Variants in MAML2 observed in about 807,000 individuals in gnomAD.
MAML2 encodes the protein mastermind-like protein 2.
Under a neutral mutation model 96.1 loss-of-function variants are expected in MAML2, and 22 were observed. The observed-to-expected ratio is 0.23, with a 90% CI of 0.16 to 0.33. The LOEUF is 0.33. Ranked by LOEUF, MAML2 falls within the 10% of genes least tolerant of loss-of-function variation. The pLI is 1.00. For missense variants in MAML2, 1,367 were observed against 1,392.4 expected (o/e 0.98, Z 0.29); for synonymous variants, 561 against 521.3 (o/e 1.08, Z -1.04).
rs762510254 is a variant in MAML2 at position 95,991,627 on chromosome 11, G to T, written c.2236C>A (p.Gln746Lys). The change falls in exon 3 of 5, where the codon CAA (glutamine) becomes AAA (lysine). Residue 746 changes from glutamine (Q) to lysine (K), a missense_variant. Gln to Lys is a moderately conservative substitution (Grantham distance 53). Transcript: ENST00000524717. The part of the protein sequence containing the change: ...NTGSGYMNSQ[Q>K]SLLNQQLMGK... Reference sequence around the variant, plus strand: ...ATCAATTGCTGATTCAACAGTGATTGCTGGGAGTTCATGTAACCACTTCCA... The same window carrying T: ...ATCAATTGCTGATTCAACAGTGATTTCTGGGAGTTCATGTAACCACTTCCA... 3.7e-6 allele frequency: 6 copies of T among 1,613,644 alleles called. No homozygotes were observed. Among genetic ancestry groups the T allele is most frequent in the Admixed American group, 3.3e-5 (2 of 59,972 alleles).
intron 1 of MAML2, among the ~76,000 whole-genome samples, chr11:96,290,800 C>G (rs1863197645): frequency 6.6e-6 from 1 of 152,196 alleles, no homozygotes; most frequent in South Asian, 2.1e-4. Flanking sequence ...AATTACCATT[C>G]TTAACAATAA....
chr11:96,146,992 T>C (rs2135872397), intron 1 of MAML2, among the ~76,000 whole-genome samples: 1 of 152,312 alleles, frequency 6.6e-6, no homozygotes, highest in African/African-American at 2.4e-5. Context: ...GAGTTCAACC[T>C]TTCAGCTACC....
chr11:96,249,751 C>T (rs541825026), intron 1 of MAML2, among the ~76,000 whole-genome samples: 1 of 152,112 alleles, frequency 6.6e-6, no homozygotes, highest in South Asian at 2.1e-4. Flanking sequence ...CTCCAAGCAA[C>T]CATCACTTCC....
chr11:96,073,542 G>A lies in MAML2; in HGVS notation c.2139+18350C>T, dbSNP rs11820149. On this transcript the variant is annotated intron_variant, in intron 2 of 4. Coordinates refer to ENST00000524717, the MANE Select transcript of MAML2 (RefSeq NM_032427.4). ...TCACTGTGTTAGCCAGGATGGTCTCGATCTCTTGACCTCATGATCCACCTG... is the reference window on the plus strand; with the variant it reads ...TCACTGTGTTAGCCAGGATGGTCTCAATCTCTTGACCTCATGATCCACCTG... Among the ~76,000 whole-genome samples, 1,105 of 152,090 alleles carry A rather than the reference G, an allele frequency of 7.3e-3. 12 individuals are homozygous for A. The highest frequency in any genetic ancestry group is 0.024 in the African/African-American group (1,014 of 41,496).
chr11:95,986,599 T>C (rs1857833351), intron 3 of MAML2, among the ~76,000 whole-genome samples: 2 of 152,170 alleles, frequency 1.3e-5, no homozygotes, highest in South Asian at 4.1e-4. Flanking sequence ...TTTTATCTCT[T>C]TTTTACCTTC....
chr11:96,096,209 C>G (rs903488109), intron 1 of MAML2, among the ~76,000 whole-genome samples: 1 of 152,220 alleles, frequency 6.6e-6, no homozygotes, highest in African/African-American at 2.4e-5. Flanking sequence ...CAGATTCTCT[C>G]ACTGCTCTGG....
chr11:96,222,337 T>C (rs979013468), intron 1 of MAML2, among the ~76,000 whole-genome samples: 29 of 152,200 alleles, frequency 1.9e-4, no homozygotes, highest in African/African-American at 6.8e-4. Flanking sequence ...GCAGTCACCC[T>C]GAACACTCAC....
In MAML2 at chr11:96,113,604, G is replaced by GA. The variant is rs61518039; in HGVS notation, c.514-20088dup. Among the ~76,000 whole-genome samples the GA allele has an allele frequency of 4.1e-3, 566 of 139,072 alleles. 4 individuals carry two copies. Among genetic ancestry groups the GA allele is most frequent in the African/African-American group, 8.4e-3 (313 of 37,136 alleles). The allele number at this position is 139,072 out of a possible 152,430, so 91.2% of individuals were successfully genotyped here. A position where few individuals can be genotyped will look rare whatever the true frequency, so the allele number is the denominator to read the frequency against. On this transcript the variant is annotated intron_variant, in intron 1 of 4. Coordinates refer to ENST00000524717, the MANE Select transcript of MAML2 (RefSeq NM_032427.4). ...TAATGTTTCTCCATCCCCGTTGTTT[G>GA]AAAAAAAAAAAAAAGAAAAGAAAAA...
chr11:96,106,112 CT>C (rs1489701376), intron 1 of MAML2, among the ~76,000 whole-genome samples: 1 of 152,180 alleles, frequency 6.6e-6, no homozygotes, highest in East Asian at 1.9e-4. Context: ...TTCAACTCTT[CT>C]TTGAAGCAAT....
At chr11:96,049,464 A>C (rs904811491) in intron 2 of MAML2, among the ~76,000 whole-genome samples, 2 of 152,238 alleles carry the variant, frequency 1.3e-5, no homozygotes, top group African/African-American at 4.8e-5. Context: ...GTGTGTTTAT[A>C]GATTGGCTTA....
chr11:96,029,220 C>T (rs1440446257), intron 2 of MAML2, among the ~76,000 whole-genome samples: 2 of 148,442 alleles, frequency 1.3e-5, no homozygotes, highest in East Asian at 3.9e-4. Context: ...TGTTGAAGGA[C>T]TGTGGATTTT....
chr11:96,034,920 T>C (rs1858687936), intron 2 of MAML2, among the ~76,000 whole-genome samples: 1 of 152,148 alleles, frequency 6.6e-6, no homozygotes, highest in Admixed American at 6.5e-5. Context: ...ATGCCCTTAG[T>C]CACATGGGGA....
chr11:96,074,453 T>G (rs545920811), intron 2 of MAML2, among the ~76,000 whole-genome samples: 10 of 152,374 alleles, frequency 6.6e-5, no homozygotes, highest in Non-Finnish European at 1.3e-4. Context: ...AAGATGTAAT[T>G]TCTCTCCCAA....
intron 1 of MAML2, among the ~76,000 whole-genome samples, chr11:96,291,247 T>A (rs1297201955): frequency 1.3e-5 from 2 of 148,318 alleles, no homozygotes; most frequent in African/African-American, 5.0e-5. Flanking sequence ...TGCCTCAGCC[T>A]CCTGAGTAGC....
At chr11:96,327,347 C>T (rs565728919) in intron 1 of MAML2, among the ~76,000 whole-genome samples, 16 of 152,160 alleles carry the variant, frequency 1.1e-4, no homozygotes, top group South Asian at 2.1e-4. Context: ...TGGAGTTTTT[C>T]CTTAGTTTCT....
At chr11:96,004,448 A>T (rs1591086393) in intron 2 of MAML2, among the ~76,000 whole-genome samples, 2 of 46,228 alleles carry the variant, frequency 4.3e-5, no homozygotes, top group Admixed American at 2.2e-4. Context: ...CTTTGGGAAT[A>T]AAAAAAACCC....
intron 1 of MAML2, among the ~76,000 whole-genome samples, chr11:96,125,359 C>A (rs1406779055): frequency 2.6e-5 from 4 of 152,112 alleles, no homozygotes; most frequent in African/African-American, 9.7e-5. Flanking sequence ...CTCCAAGTCT[C>A]AGCATCTGAG....
intron 1 of MAML2, among the ~76,000 whole-genome samples, chr11:96,320,251 C>T (rs1230096006): frequency 6.6e-6 from 1 of 152,202 alleles, no homozygotes; most frequent in Non-Finnish European, 1.5e-5. Flanking sequence ...TAACAAATTC[C>T]ACCACAGCAA....
chr11:96,158,422 G>A (rs952716625), intron 1 of MAML2, among the ~76,000 whole-genome samples: 1 of 152,174 alleles, frequency 6.6e-6, no homozygotes, highest in Non-Finnish European at 1.5e-5. Context: ...TGGCACAGGG[G>A]AAGTCCAGAG....
Sources: gnomAD v4.1 joint callset for allele counts (sites outside exome capture counted in the v4.1 genomes callset) on GRCh38, gnomAD v4.1.1 for gene constraint, MANE v1.5 for transcripts, NCBI Gene and HGNC (gene_info 2026-07-23, HGNC 2026-07-21) for gene names.